Variants in ZNF605 observed in about 807,000 individuals in gnomAD.
The protein encoded by ZNF605 is zinc finger protein 605.
A neutral mutation model predicts 7.9 loss-of-function variants in ZNF605; 9 were observed. The ratio of observed to expected loss-of-function variants is 1.14; its 90% CI spans 0.68 to 1.98. ZNF605 has a LOEUF of 1.98. Ranked by LOEUF, ZNF605 falls within the 30% of genes most tolerant of loss-of-function variation. The pLI is 0.00. For missense variants in ZNF605, 673 were observed against 762.4 expected (o/e 0.88, Z 1.38); for synonymous variants, 255 against 260.1 (o/e 0.98, Z 0.19).
chr12:132,952,736 G>A (rs1466721529), intron 1 of ZNF605, among the ~76,000 whole-genome samples: 2 of 151,904 alleles, frequency 1.3e-5, no homozygotes, highest in Non-Finnish European at 2.9e-5. Context: ...TAAGGCCAAC[G>A]GGGTCACTGA....
chr12:132,953,765 A>C (rs945196665), intron 1 of ZNF605, among the ~76,000 whole-genome samples: 1 of 151,992 alleles, frequency 6.6e-6, no homozygotes, highest in Non-Finnish European at 1.5e-5. Flanking sequence ...CGCAAATGGC[A>C]AACAAACTCT....
At chr12:132,951,749 T>C (rs1859184944) in intron 1 of ZNF605, among the ~76,000 whole-genome samples, 2 of 151,734 alleles carry the variant, frequency 1.3e-5, no homozygotes, top group African/African-American at 4.8e-5. Flanking sequence ...CATACACATG[T>C]ACAACACACA....
rs989687427 is a variant in ZNF605, at chr12:132,947,485, G to T, written c.-163+663C>A. Among the ~76,000 whole-genome samples, 5 of 152,074 alleles carry T rather than the reference G, an allele frequency of 3.3e-5. No individual in the cohort carries two copies. The South Asian group carries it at 1.0e-3, about 32-fold the overall frequency. ...ACGCCACCATCCCCAGCTAATTTTT[G>T]TATTTTTTGTAGAGACGGGGTTTTG... On this transcript the variant is annotated intron_variant, in intron 2 of 4. Coordinates refer to ENST00000360187, the MANE Select transcript of ZNF605 (RefSeq NM_183238.4).
intron 3 of ZNF605, among the ~76,000 whole-genome samples, chr12:132,944,119 G>A (rs2137153811): frequency 6.6e-6 from 1 of 152,186 alleles, no homozygotes; most frequent in African/African-American, 2.4e-5. Flanking sequence ...CATTGTTGTT[G>A]TCCTACATGT....
In ZNF605 at chr12:132,944,567, A is replaced by G. The variant is rs377027680; in HGVS notation, c.15+1054T>C. Among the ~76,000 whole-genome samples the G allele has an allele frequency of 3.6e-3, 541 of 152,292 alleles. 5 individuals carry two copies. The highest frequency in any genetic ancestry group is 0.012 in the African/African-American group (491 of 41,566). On this transcript the variant is annotated intron_variant, in intron 3 of 4. Transcript: ENST00000360187. ...CCATTTGAAGGTTTCGTAATGATCA[A>G]TTCTGCCAGGTGATTTAAGTTTCTT...
At chr12:132,929,907 T>G (rs1200920453) in intron 4 of ZNF605, among the ~76,000 whole-genome samples, 2 of 152,200 alleles carry the variant, frequency 1.3e-5, no homozygotes, top group Non-Finnish European at 2.9e-5. Flanking sequence ...ATCGTGCCAC[T>G]GCACTCCAGC....
intron 1 of ZNF605, chr12:132,948,661 C>T (rs1464699943): frequency 6.6e-6 from 1 of 152,282 alleles, no homozygotes; most frequent in Non-Finnish European, 1.5e-5. Context: ...GAAGTCTCCG[C>T]TCCCCTGCCT....
At chr12:132,950,575 C>T (rs796130336) in intron 1 of ZNF605, among the ~76,000 whole-genome samples, 72 of 151,762 alleles carry the variant, frequency 4.7e-4, no homozygotes, top group Admixed American at 7.9e-4. Flanking sequence ...CACACACAGA[C>T]GTGCACACAC....
intron 1 of ZNF605, among the ~76,000 whole-genome samples, chr12:132,951,333 TCACA>T (rs1237011808): frequency 3.3e-4 from 48 of 146,088 alleles, no homozygotes; most frequent in Non-Finnish European, 6.5e-4. Context: ...CACACGTACA[TCACA>T]CACACAGACA....
At chr12:132,935,599 A>T (rs1312498885) in intron 3 of ZNF605, among the ~76,000 whole-genome samples, 2 of 145,504 alleles carry the variant, frequency 1.4e-5, no homozygotes, top group Non-Finnish European at 1.5e-5. Context: ...ATGCACACAT[A>T]AAAAAAAAAT....
At chr12:132,954,230 T>C (rs1180963352) in intron 1 of ZNF605, among the ~76,000 whole-genome samples, 1 of 148,632 alleles carries the variant, frequency 6.7e-6, no homozygotes, top group Non-Finnish European at 1.5e-5. Context: ...CCAGACACCA[T>C]AATCACCAGC....
At chr12:132,953,585 C>T (rs1302184915) in intron 1 of ZNF605, among the ~76,000 whole-genome samples, 1 of 151,964 alleles carries the variant, frequency 6.6e-6, no homozygotes, top group African/African-American at 2.4e-5. Context: ...CACCACCATG[C>T]CCAGCTAATT....
chr12:132,931,491 A>T (rs963915268), intron 4 of ZNF605, among the ~76,000 whole-genome samples: 7 of 152,242 alleles, frequency 4.6e-5, no homozygotes, highest in Non-Finnish European at 5.9e-5. Context: ...GTCAAGGAAC[A>T]TTCACTGAAG....
intron 4 of ZNF605, among the ~76,000 whole-genome samples, chr12:132,927,627 G>A (rs1343935500): frequency 6.6e-6 from 1 of 151,362 alleles, no homozygotes; most frequent in Admixed American, 6.6e-5. Context: ...GCCTCCCAAA[G>A]TGCTGGGATT....
At position 132,921,003 on chromosome 12, in the gene ZNF605, ATTT is replaced by A. The variant is rs1952200421; in HGVS notation, c.*4367_*4369del. Reference sequence around the variant, plus strand: ...CACCATGCCCGGCTAATTTTTTTGTATTTAGTAGAGACGGGGTTTCACCATGTT... The same window carrying A: ...CACCATGCCCGGCTAATTTTTTTGTAAGTAGAGACGGGGTTTCACCATGTT... On this transcript the variant is annotated 3_prime_UTR_variant, in exon 5 of 5. Transcript: ENST00000360187. 1 of 151,846 alleles carries A rather than the reference ATTT, an allele frequency of 6.6e-6. No individual in the cohort carries two copies. Among genetic ancestry groups the A allele is most frequent in the African/African-American group, 2.4e-5 (1 of 41,332 alleles). The allele number at this position is 151,846 out of a possible 1,614,324, so 9.4% of individuals were successfully genotyped here.
At chr12:132,945,256 G>A (rs2137155368) in intron 3 of ZNF605, 1 of 698,834 alleles carries the variant, frequency 1.4e-6, no homozygotes, top group South Asian at 1.8e-5. Flanking sequence ...GAGCCACCAT[G>A]CCCAGCTGAG....
In ZNF605 at chr12:132,941,951, C is replaced by G. The variant is rs1012205950; in HGVS notation, c.15+3670G>C. On this transcript the variant is annotated intron_variant, in intron 3 of 4. Transcript: ENST00000360187. The surrounding 1 kb of genome is among the most constrained non-coding windows in gnomAD (Gnocchi z 5.1). ...AGGCCCTTTCATCCCCTTTCTGAAG[C>G]CTCAAATAGACGGGAGATATGTAAA... Among the ~76,000 whole-genome samples, 68 of 152,352 alleles carry G rather than the reference C, an allele frequency of 4.5e-4. No homozygotes were observed. Among genetic ancestry groups the G allele is most frequent in the African/African-American group, 1.5e-3 (64 of 41,582 alleles).
chr12:132,935,089 A>G (rs567957364), intron 3 of ZNF605, among the ~76,000 whole-genome samples: 1 of 152,336 alleles, frequency 6.6e-6, no homozygotes, highest in East Asian at 1.9e-4. Flanking sequence ...CCTCTTTAAA[A>G]GGGAACGTGG....
intron 1 of ZNF605, among the ~76,000 whole-genome samples, chr12:132,949,612 G>A (rs1027170936): frequency 2.0e-5 from 3 of 152,274 alleles, no homozygotes; most frequent in African/African-American, 7.2e-5. Context: ...TGTAGCTCGC[G>A]CCTGGCATTG....
Sources: allele counts gnomAD v4.1 joint callset (sites outside exome capture counted in the v4.1 genomes callset), GRCh38; gene constraint gnomAD v4.1.1; non-coding constraint Gnocchi (gnomAD v3.1); transcripts MANE v1.5; gene names NCBI Gene and HGNC (gene_info 2026-07-23, HGNC 2026-07-21).